Variants in TBC1D23 observed in about 807,000 individuals in gnomAD.
TBC1D23 encodes the protein HCV non-structural protein 4A-transactivated protein 1.
A neutral mutation model predicts 91.4 loss-of-function variants in TBC1D23; 55 were observed. That is an observed-to-expected ratio of 0.60 (90% CI 0.48 to 0.75). The LOEUF is 0.75. Ranked by LOEUF, TBC1D23 falls within the 30% of genes least tolerant of loss-of-function variation. The probability of loss-of-function intolerance (pLI) is 0.00; values close to 1 mark genes in which losing one functional copy is unlikely to be tolerated. For synonymous variants in TBC1D23, 289 were observed against 281.0 expected (o/e 1.03, Z -0.28); for missense variants, 725 against 836.1 (o/e 0.87, Z 1.64).
chr3:100,290,913 T>TA (rs2067784342), intron 5 of TBC1D23, among the ~76,000 whole-genome samples: 1 of 152,198 alleles, frequency 6.6e-6, no homozygotes, highest in African/African-American at 2.4e-5. Context: ...AGTTCACTTT[T>TA]ATTGTTTTAC....
intron 1 of TBC1D23, among the ~76,000 whole-genome samples, chr3:100,271,722 A>C (rs2067601176): frequency 6.6e-6 from 1 of 152,202 alleles, no homozygotes; most frequent in African/African-American, 2.4e-5. Flanking sequence ...GTCTGAAGTA[A>C]GTGCTGAATA....
Position 100,306,482 on chromosome 3 carries a change from A to T in TBC1D23, c.1352A>T (p.Asn451Ile), listed in dbSNP as rs1705520644. 6.2e-7 allele frequency: 1 copy of T among 1,613,018 alleles called. No homozygotes were observed. Among genetic ancestry groups the T allele is most frequent in the Non-Finnish European group, 8.5e-7 (1 of 1,179,202 alleles). ...GACATTAATGTGGATGGACCAGAAA[A>T]TGGATATGGCCATTGGATTGCTAGT... ...LADINVDGPENGYGHWIASTS... is the reference protein window; with the variant it reads ...LADINVDGPEIGYGHWIASTS... Residue 451 changes from asparagine to isoleucine, a missense_variant, in exon 13 of 19, where the codon AAT (asparagine) becomes ATT (isoleucine). Transcript: ENST00000394144.
chr3:100,274,950 A>G (rs1321755715), intron 1 of TBC1D23, among the ~76,000 whole-genome samples: 1 of 143,298 alleles, frequency 7.0e-6, no homozygotes, highest in Non-Finnish European at 1.5e-5. Context: ...CTTGGGTTGC[A>G]TTCACCTTTG....
chr3:100,298,416 G>T (rs921228457), intron 9 of TBC1D23, among the ~76,000 whole-genome samples: 1 of 152,158 alleles, frequency 6.6e-6, no homozygotes, highest in South Asian at 2.1e-4. Context: ...ACATGGTTTA[G>T]TTCCATACAA....
chr3:100,263,190 C>T (rs1243097487), intron 1 of TBC1D23, among the ~76,000 whole-genome samples: 1 of 152,134 alleles, frequency 6.6e-6, no homozygotes, highest in East Asian at 1.9e-4. Context: ...TGTTCTCTGG[C>T]GGGCAGAGTG....
chr3:100,294,643 A>G (rs948475881), intron 5 of TBC1D23, among the ~76,000 whole-genome samples: 5 of 152,188 alleles, frequency 3.3e-5, no homozygotes, highest in Non-Finnish European at 5.9e-5. Flanking sequence ...AGCTGCTCTT[A>G]AATTACCACG....
chr3:100,261,015 A>G lies in TBC1D23; in HGVS notation c.-4A>G. ...TCGGCAAAGTGACGTGGACGTCAAC[A>G]GCAATGGCGGAAGGAGAAGATGTGC... On this transcript the variant is annotated 5_prime_UTR_variant, in exon 1 of 19. Transcript: ENST00000394144. 6.2e-7 allele frequency: 1 copy of G among 1,613,902 alleles called. No homozygotes were observed.
At chr3:100,303,002 T>C (rs528057884) in intron 11 of TBC1D23, among the ~76,000 whole-genome samples, 22 of 152,242 alleles carry the variant, frequency 1.4e-4, no homozygotes, top group Non-Finnish European at 2.8e-4. Context: ...GCATATTCAT[T>C]CACAACACCT....
intron 17 of TBC1D23, 143 bp from the exon 18 acceptor site, chr3:100,320,634 T>C (rs186636046): frequency 8.5e-5 from 37 of 435,238 alleles, no homozygotes; most frequent in Non-Finnish European, 1.3e-4. Flanking sequence ...TACTTGTTTA[T>C]AGATTAACCT....
At chr3:100,315,982 T>G in intron 15 of TBC1D23, 117 bp from the exon 16 acceptor site, 1 of 774,936 alleles carries the variant, frequency 1.3e-6, no homozygotes, top group Non-Finnish European at 2.2e-6. Flanking sequence ...ACATGGGGTT[T>G]TGGGGGGGTC....
At chr3:100,275,402 C>T (rs1315135599) in intron 1 of TBC1D23, among the ~76,000 whole-genome samples, 1 of 152,122 alleles carries the variant, frequency 6.6e-6, no homozygotes, top group Non-Finnish European at 1.5e-5. Flanking sequence ...ATCCTCCTGC[C>T]TCAGCCTGTT....
chr3:100,279,784 A>G (rs552608876), intron 2 of TBC1D23, 24 bp downstream of exon 2: 119 of 1,370,418 alleles, frequency 8.7e-5, no homozygotes, highest in African/African-American at 2.9e-4. Flanking sequence ...AAAATGAATA[A>G]AATGTAATCA....
chr3:100,288,795 C>G (rs2067765173), intron 4 of TBC1D23, among the ~76,000 whole-genome samples: 1 of 152,220 alleles, frequency 6.6e-6, no homozygotes, highest in Admixed American at 6.5e-5. Flanking sequence ...GTGAAGCCTA[C>G]TGGTCTAACT....
At position 100,323,928 on chromosome 3, in the gene TBC1D23, C is replaced by T; in HGVS notation, c.*260C>T. ...ACTTTGAAGTAACTGACCCTGTGCC[C>T]TTATGGACTAAGTAAGGGTACAGAA... On this transcript the variant is annotated 3_prime_UTR_variant, in exon 19 of 19. Transcript: ENST00000394144. The T allele has an allele frequency of 5.8e-6, 1 of 172,820 alleles. No individual in the cohort carries two copies. The highest frequency in any genetic ancestry group is 1.2e-5 in the Non-Finnish European group (1 of 81,426). The allele number at this position is 172,820 out of a possible 1,614,324, so 10.7% of individuals were successfully genotyped here. A position where few individuals can be genotyped will look rare whatever the true frequency, so the allele number is the denominator to read the frequency against.
intron 10 of TBC1D23, among the ~76,000 whole-genome samples, chr3:100,300,062 T>C (rs576026124): frequency 2.9e-4 from 44 of 152,332 alleles, no homozygotes; most frequent in African/African-American, 1.0e-3. Flanking sequence ...TAAACTAATA[T>C]TTAATAAGGG....
chr3:100,315,277 C>T (rs1705717360), intron 15 of TBC1D23, among the ~76,000 whole-genome samples: 1 of 150,652 alleles, frequency 6.6e-6, no homozygotes, highest in Non-Finnish European at 1.5e-5. Flanking sequence ...GTTCTCCCGC[C>T]TCAGCCTCCA....
intron 11 of TBC1D23, among the ~76,000 whole-genome samples, chr3:100,302,976 C>A (rs1360074992): frequency 5.3e-5 from 8 of 152,182 alleles, no homozygotes; most frequent in African/African-American, 1.7e-4. Flanking sequence ...TCATTTGAAA[C>A]TGAATAAATA....
chr3:100,275,042 C>T (rs2067637366), intron 1 of TBC1D23, among the ~76,000 whole-genome samples: 1 of 151,766 alleles, frequency 6.6e-6, no homozygotes, highest in Admixed American at 6.6e-5. Flanking sequence ...TCAGACATTT[C>T]AGGATATGGA....
chr3:100,316,224 T>C (rs1473514092), intron 16 of TBC1D23, 37 bp downstream of exon 16: 4 of 1,440,840 alleles, frequency 2.8e-6, no homozygotes, highest in Admixed American at 1.7e-5. Flanking sequence ...AGCTTTGCTG[T>C]CATTAGGAGT....
Sources: allele counts gnomAD v4.1 joint callset (sites outside exome capture counted in the v4.1 genomes callset), GRCh38; gene constraint gnomAD v4.1.1; transcripts MANE v1.5; gene names NCBI Gene and HGNC (gene_info 2026-07-23, HGNC 2026-07-21).